Variants in LRRC28 observed in about 807,000 individuals in gnomAD.
The protein encoded by LRRC28 is leucine-rich repeat-containing protein 28.
Under a neutral mutation model 45.7 loss-of-function variants are expected in LRRC28, and 39 were observed. The ratio of observed to expected loss-of-function variants is 0.85; its 90% CI spans 0.66 to 1.12. The LOEUF (loss-of-function observed/expected upper bound fraction) is 1.12. Ranked by LOEUF, LRRC28 falls within the 50% of genes most tolerant of loss-of-function variation. The pLI is 0.00. For missense variants in LRRC28, 435 were observed against 438.5 expected, an observed-to-expected ratio of 0.99 and a Z score of 0.07; for synonymous variants, 206 against 178.8, an observed-to-expected ratio of 1.15 and a Z score of -1.22.
chr15:99,266,787 C>T (rs7170360), intron 2 of LRRC28, among the ~76,000 whole-genome samples: 62,685 of 152,036 alleles, frequency 0.41, 13,143 homozygotes, highest in Middle Eastern at 0.6. Flanking sequence ...TGAGTCTTTA[C>T]CAAGTGCTCA....
intron 5 of LRRC28, among the ~76,000 whole-genome samples, chr15:99,327,100 A>G (rs1329876711): frequency 1.3e-5 from 2 of 151,940 alleles, no homozygotes. Context: ...TTGAGACAAG[A>G]GTCTTGCTCT....
intron 9 of LRRC28, among the ~76,000 whole-genome samples, chr15:99,378,750 G>A (rs1404104349): frequency 2.0e-5 from 3 of 152,158 alleles, no homozygotes; most frequent in Admixed American, 2.0e-4. Context: ...TTAGCATGAA[G>A]GGCTGTTGAC....
intron 6 of LRRC28, 72 bp downstream of exon 6, chr15:99,334,201 A>G: frequency 1.3e-6 from 2 of 1,531,178 alleles, no homozygotes; most frequent in Non-Finnish European, 1.8e-6. Flanking sequence ...GACTAGAACC[A>G]ATTAGTTAGT....
At chr15:99,285,635 A>G in intron 3 of LRRC28, 1 of 652,738 alleles carries the variant, frequency 1.5e-6, no homozygotes, top group South Asian at 1.9e-5. Context: ...ATGGGCAGCC[A>G]CTGTGTACTA....
intron 2 of LRRC28, among the ~76,000 whole-genome samples, chr15:99,260,812 G>C (rs1298987569): frequency 3.3e-5 from 5 of 152,216 alleles, no homozygotes; most frequent in African/African-American, 1.2e-4. Flanking sequence ...AAAATATAGA[G>C]TATCTCGAAT....
intron 3 of LRRC28, among the ~76,000 whole-genome samples, chr15:99,281,001 C>T (rs1385381626): frequency 2.6e-5 from 4 of 151,752 alleles, no homozygotes; most frequent in Non-Finnish European, 5.9e-5. Flanking sequence ...ACTAATCCCA[C>T]TCAGTGAAGT....
chr15:99,269,663 A>G (rs765420667), intron 2 of LRRC28, among the ~76,000 whole-genome samples: 3 of 152,198 alleles, frequency 2.0e-5, no homozygotes, highest in Non-Finnish European at 2.9e-5. Context: ...TCAGCCTCCC[A>G]AAGTGTTAGG....
intron 7 of LRRC28, among the ~76,000 whole-genome samples, chr15:99,358,825 C>T (rs1036387832): frequency 1.3e-5 from 2 of 152,082 alleles, no homozygotes; most frequent in Non-Finnish European, 2.9e-5. Flanking sequence ...TACCTGTAAT[C>T]CCAGCACTTT....
chr15:99,272,101 C>T (rs2081497450), intron 2 of LRRC28, among the ~76,000 whole-genome samples: 1 of 152,170 alleles, frequency 6.6e-6, no homozygotes, highest in Non-Finnish European at 1.5e-5. Flanking sequence ...CTGCTTTCTT[C>T]TGCTTTTTAT....
intron 9 of LRRC28, among the ~76,000 whole-genome samples, chr15:99,379,675 T>C (rs1957757193): frequency 1.3e-5 from 2 of 152,246 alleles, no homozygotes; most frequent in South Asian, 4.1e-4. Context: ...CTTGTGGGCA[T>C]TTAGTGCTAT....
chr15:99,381,583 G>C (rs1957825702), intron 9 of LRRC28, among the ~76,000 whole-genome samples: 1 of 152,244 alleles, frequency 6.6e-6, no homozygotes, highest in Non-Finnish European at 1.5e-5. Context: ...GAGGAGCTGT[G>C]TTCCTTTGGA....
At chr15:99,321,670 G>A (rs1955802054) in intron 5 of LRRC28, among the ~76,000 whole-genome samples, 2 of 152,166 alleles carry the variant, frequency 1.3e-5, no homozygotes, top group Non-Finnish European at 2.9e-5. Flanking sequence ...TGTGAGGTTT[G>A]TGTGCAGCTG....
intron 2 of LRRC28, chr15:99,257,744 T>A (rs892465964): frequency 2.6e-6 from 2 of 773,946 alleles, no homozygotes; most frequent in Non-Finnish European, 4.8e-6. Context: ...TGGGTAAAAG[T>A]AGACAAGGCT....
At chr15:99,367,378 C>A (rs192102500) in intron 9 of LRRC28, among the ~76,000 whole-genome samples, 4 of 152,150 alleles carry the variant, frequency 2.6e-5, no homozygotes, top group African/African-American at 9.7e-5. Flanking sequence ...CGAGTGGCCA[C>A]GTCTGGTGAG....
chr15:99,354,147 G>A (rs901954644), intron 7 of LRRC28: 2 of 152,106 alleles, frequency 1.3e-5, no homozygotes, highest in Non-Finnish European at 2.9e-5. Flanking sequence ...TAATCTAAAG[G>A]CATTTTTAGC....
intron 5 of LRRC28, among the ~76,000 whole-genome samples, chr15:99,294,313 A>G (rs1283198165): frequency 1.3e-5 from 2 of 150,908 alleles, no homozygotes; most frequent in Non-Finnish European, 3.0e-5. Context: ...GTATTCTTCT[A>G]CAGGTCAGTG....
intron 2 of LRRC28, among the ~76,000 whole-genome samples, chr15:99,260,234 ATTC>A (rs1438732104): frequency 6.6e-6 from 1 of 152,150 alleles, no homozygotes; most frequent in Admixed American, 6.5e-5. Context: ...TTAACTGACT[ATTC>A]TTGATGTAAA....
intron 8 of LRRC28, among the ~76,000 whole-genome samples, 173 bp from the exon 9 acceptor site, chr15:99,362,933 T>A (rs554584160): frequency 0.013 from 1,983 of 152,292 alleles, 25 homozygotes; most frequent in South Asian, 0.036. Flanking sequence ...AAAAAAAAAA[T>A]TTCATTTTCA....
chr15:99,303,216 A>C (rs1228022225), intron 5 of LRRC28, among the ~76,000 whole-genome samples: 2 of 152,110 alleles, frequency 1.3e-5, no homozygotes, highest in Admixed American at 1.3e-4. Flanking sequence ...TTGTGTGTTA[A>C]ATTTGCATTT....
Sources: allele counts gnomAD v4.1 joint callset (sites outside exome capture counted in the v4.1 genomes callset), GRCh38; gene constraint gnomAD v4.1.1; transcripts MANE v1.5; gene names NCBI Gene and HGNC (gene_info 2026-07-23, HGNC 2026-07-21).